The following ENTREP2 variants were observed in gnomAD, a reference collection of about 807,000 sequenced individuals.
ENTREP2 encodes the protein endosomal transmembrane epsin interactor 2.
At chr15:29,522,699 C>T in the ENTREP2 span, among the ~76,000 whole-genome samples, 2 of 152,144 alleles carry the variant, frequency 1.3e-5, no homozygotes, top group Admixed American at 6.5e-5. Flanking sequence ...ATGGCTGGAG[C>T]TCCTTCAAAT....
At chr15:29,604,958 G>A in the ENTREP2 span, among the ~76,000 whole-genome samples, 1 of 152,222 alleles carries the variant, frequency 6.6e-6, no homozygotes, top group Non-Finnish European at 1.5e-5. Context: ...ACATGCACAG[G>A]TGACACAAAC....
chr15:29,509,391 G>GA, the ENTREP2 span, among the ~76,000 whole-genome samples: 2 of 151,976 alleles, frequency 1.3e-5, no homozygotes, highest in Non-Finnish European at 2.9e-5. Flanking sequence ...CACAAAATTA[G>GA]AAAAAAATTA....
the ENTREP2 span, among the ~76,000 whole-genome samples, chr15:29,530,628 G>A: frequency 1.3e-5 from 2 of 152,220 alleles, no homozygotes; most frequent in Non-Finnish European, 2.9e-5. Context: ...CTGTGCGGCT[G>A]CCGTCATGTC....
At chr15:29,255,415 T>C in the ENTREP2 span, among the ~76,000 whole-genome samples, 1 of 152,188 alleles carries the variant, frequency 6.6e-6, no homozygotes, top group Non-Finnish European at 1.5e-5. Context: ...TATACACTGT[T>C]GGTGGAAATG....
chr15:29,165,606 A>C, the ENTREP2 span, among the ~76,000 whole-genome samples: 1 of 152,212 alleles, frequency 6.6e-6, no homozygotes, highest in Non-Finnish European at 1.5e-5. Context: ...CTGGAAAGAT[A>C]TAACCCTCCT....
the ENTREP2 span, chr15:29,122,376 G>A: frequency 1.6e-4 from 24 of 152,144 alleles, 1 homozygote; most frequent in African/African-American, 5.1e-4. Context: ...ATCCTCCTGC[G>A]CAGGTGTGTC....
the ENTREP2 span, among the ~76,000 whole-genome samples, chr15:29,155,163 T>G: frequency 6.6e-6 from 1 of 151,800 alleles, no homozygotes; most frequent in South Asian, 2.1e-4. Flanking sequence ...GCGCCTGTAG[T>G]CCCAGCTACT....
At chr15:29,519,157 T>TCA in the ENTREP2 span, among the ~76,000 whole-genome samples, 1 of 147,334 alleles carries the variant, frequency 6.8e-6, no homozygotes, top group East Asian at 1.9e-4. Flanking sequence ...TCTCTCTCTC[T>TCA]CTCACACACA....
chr15:29,610,760 T>G, the ENTREP2 span: 3 of 150,254 alleles, frequency 2.0e-5, no homozygotes, highest in Admixed American at 1.3e-4. Flanking sequence ...TACAAAGAGG[T>G]GAAGGCATCC....
the ENTREP2 span, chr15:29,123,199 C>A: frequency 6.6e-5 from 60 of 913,508 alleles, no homozygotes; most frequent in East Asian, 1.5e-3. Context: ...CCACACCGCC[C>A]CCAGATCATC....
the ENTREP2 span, among the ~76,000 whole-genome samples, chr15:29,624,871 TTGTGTGTG>T: frequency 8.8e-4 from 127 of 143,718 alleles, no homozygotes; most frequent in South Asian, 4.6e-3. Flanking sequence ...CTGCATTAAT[TTGTGTGTG>T]TGTGTGTGTG....
At chr15:29,126,475 T>C in the ENTREP2 span, 2 of 1,550,040 alleles carry the variant, frequency 1.3e-6, no homozygotes, top group Non-Finnish European at 1.7e-6. Context: ...CCAGGAGGCT[T>C]GTGCTGTCAG....
chr15:29,642,449 T>C, the ENTREP2 span, among the ~76,000 whole-genome samples: 6,778 of 148,808 alleles, frequency 0.046, 181 homozygotes, highest in South Asian at 0.066. Flanking sequence ...TACATATATA[T>C]ATACACACAC....
chr15:29,634,969 C>T, the ENTREP2 span, among the ~76,000 whole-genome samples: 6 of 152,146 alleles, frequency 3.9e-5, no homozygotes, highest in East Asian at 3.9e-4. Flanking sequence ...TCCAGCCTCC[C>T]GAGTAGCTGG....
At chr15:29,216,510 G>A in the ENTREP2 span, among the ~76,000 whole-genome samples, 1 of 152,106 alleles carries the variant, frequency 6.6e-6, no homozygotes, top group Non-Finnish European at 1.5e-5. Flanking sequence ...GGATATCTAG[G>A]TCTCTAGCAA....
At chr15:29,231,550 T>C in the ENTREP2 span, among the ~76,000 whole-genome samples, 1,375 of 152,290 alleles carry the variant, frequency 9.0e-3, 21 homozygotes, top group African/African-American at 0.031. Flanking sequence ...AGAATATAAA[T>C]CTGGCTATAA....
At chr15:29,623,855 C>T in the ENTREP2 span, among the ~76,000 whole-genome samples, 5 of 152,298 alleles carry the variant, frequency 3.3e-5, no homozygotes, top group South Asian at 1.0e-3. Context: ...CCTGCCTCAG[C>T]CTCCCAAGTA....
At chr15:29,208,053 G>A in the ENTREP2 span, among the ~76,000 whole-genome samples, 12 of 152,214 alleles carry the variant, frequency 7.9e-5, no homozygotes, top group South Asian at 2.1e-4. Flanking sequence ...TACAAATGCC[G>A]GGACTTCTGA....
the ENTREP2 span, among the ~76,000 whole-genome samples, chr15:29,413,950 T>C: frequency 2.0e-5 from 3 of 152,128 alleles, no homozygotes; most frequent in Non-Finnish European, 2.9e-5. Flanking sequence ...AAGAGCTAAC[T>C]ATCCTAAATA....
Sources: gnomAD v4.1 joint callset for allele counts (sites outside exome capture counted in the v4.1 genomes callset) on GRCh38, gnomAD v4.1.1 for gene constraint, MANE v1.5 for transcripts, NCBI Gene and HGNC (gene_info 2026-07-23, HGNC 2026-07-21) for gene names.